Variants in PDZD2 observed in about 807,000 individuals in gnomAD.
PDZD2 encodes the protein PDZ domain containing 2, also known as PDZ domain-containing protein 2.
In PDZD2, 90 loss-of-function variants were observed where a neutral mutation model predicts 220.7. The observed-to-expected ratio is 0.41, with a 90% confidence interval of 0.34 to 0.49. The LOEUF is 0.49. Among genes scored for constraint, PDZD2 ranks in the 20% least tolerant of loss-of-function variants. The pLI is 0.28. For missense variants in PDZD2, 3,174 were observed against 3,608.5 expected, an observed-to-expected ratio of 0.88 and a Z score of 3.08; for synonymous variants, 1,375 against 1,450.5, an observed-to-expected ratio of 0.95 and a Z score of 1.18.
At chr5:31,750,954 A>T (rs6879013) in intron 1 of PDZD2, among the ~76,000 whole-genome samples, 87,994 of 151,692 alleles carry the variant, frequency 0.58, 25,743 homozygotes, top group Admixed American at 0.65. Flanking sequence ...TGAGTAAGAG[A>T]AGCATGGGCC....
chr5:31,880,219 G>T (rs532178918), intron 2 of PDZD2, among the ~76,000 whole-genome samples: 40 of 151,962 alleles, frequency 2.6e-4, no homozygotes, highest in Non-Finnish European at 5.7e-4. Context: ...CACTGCACCC[G>T]GCCAATACCT....
At position 31,780,297 on chromosome 5, in the gene PDZD2, CGCCTTAAGGAT is replaced by C. The variant is rs796360388; in HGVS notation, c.-360-18588_-360-18578del. ...TCTATCCATGGGCTGTGGGATTCTG[CGCCTTAAGGAT>C]GCCGGGGGGGCTTCAGCCTCTGCCT... On this transcript the variant is annotated intron_variant, in intron 1 of 24. Coordinates refer to ENST00000438447, the MANE Select transcript of PDZD2 (RefSeq NM_178140.4). Among the ~76,000 whole-genome samples, 640 of 122,352 alleles carry C rather than the reference CGCCTTAAGGAT, an allele frequency of 5.2e-3. 5 individuals carry two copies. Among genetic ancestry groups the C allele is most frequent in the African/African-American group, 0.019 (629 of 33,198 alleles). 80.3% of individuals were successfully genotyped at this position (122,352 alleles called of 152,430 possible).
chr5:31,965,456 G>A (rs970688407), intron 2 of PDZD2, among the ~76,000 whole-genome samples: 3 of 152,224 alleles, frequency 2.0e-5, no homozygotes, highest in African/African-American at 7.2e-5. Context: ...TGCCAGGCAC[G>A]TGTGGGGCAA....
At chr5:31,979,671 C>G (rs919159607) in intron 2 of PDZD2, among the ~76,000 whole-genome samples, 5 of 152,090 alleles carry the variant, frequency 3.3e-5, no homozygotes, top group African/African-American at 1.2e-4. Context: ...CCTCTTATCC[C>G]CAGAATTCTT....
intron 2 of PDZD2, among the ~76,000 whole-genome samples, chr5:31,881,608 C>A (rs970849253): frequency 1.3e-5 from 2 of 151,768 alleles, no homozygotes; most frequent in Non-Finnish European, 2.9e-5. Context: ...AAACTCCTGA[C>A]CTCAGGCGAT....
intron 2 of PDZD2, among the ~76,000 whole-genome samples, chr5:31,897,292 C>G (rs1223412028): frequency 4.6e-5 from 7 of 152,128 alleles, no homozygotes; most frequent in Non-Finnish European, 1.0e-4. Flanking sequence ...CCTCGAGTAT[C>G]TCTTACCACA....
intron 6 of PDZD2, among the ~76,000 whole-genome samples, chr5:32,036,645 G>A (rs910773608): frequency 1.3e-5 from 2 of 152,200 alleles, no homozygotes; most frequent in African/African-American, 4.8e-5. Context: ...GCCTGGGGCT[G>A]AGCTTGATTC....
intron 1 of PDZD2, chr5:31,657,164 TA>T (rs1169945561): frequency 1.3e-5 from 2 of 152,234 alleles, no homozygotes; most frequent in African/African-American, 4.8e-5. Flanking sequence ...CCAAAGGGGA[TA>T]AGGTTACTAG....
At chr5:31,989,427 T>TTTTTTTTTTTTTTTTTTTTTTTTTTTTTA (rs1751026161) in intron 3 of PDZD2, among the ~76,000 whole-genome samples, 3 of 144,704 alleles carry the variant, frequency 2.1e-5, no homozygotes, top group African/African-American at 8.1e-5. Flanking sequence ...TTTTCTTTTT[T>TTTTTTTTTTTTTTTTTTTTTTTTTTTTTA]TTTTTTTTTT....
At chr5:32,028,357 G>GC (rs368620176) in intron 6 of PDZD2, among the ~76,000 whole-genome samples, 1 of 152,030 alleles carries the variant, frequency 6.6e-6, no homozygotes, top group African/African-American at 2.4e-5. Flanking sequence ...ATGATGGTTT[G>GC]CCCCCCACCC....
intron 2 of PDZD2, among the ~76,000 whole-genome samples, chr5:31,910,390 T>C (rs919236512): frequency 7.1e-6 from 1 of 140,048 alleles, no homozygotes; most frequent in Non-Finnish European, 1.5e-5. Context: ...CTGGCTAATT[T>C]TTATTTTTTC....
chr5:31,867,333 C>T (rs1192362081), intron 2 of PDZD2, among the ~76,000 whole-genome samples: 1 of 152,194 alleles, frequency 6.6e-6, no homozygotes, highest in Non-Finnish European at 1.5e-5. Flanking sequence ...TGGAGCATCT[C>T]TCCACCTTTA....
At chr5:31,915,831 G>A (rs1743629638) in intron 2 of PDZD2, among the ~76,000 whole-genome samples, 1 of 152,120 alleles carries the variant, frequency 6.6e-6, no homozygotes, top group African/African-American at 2.4e-5. Context: ...TTCTGTCCAT[G>A]GGGAAAAACT....
intron 1 of PDZD2, among the ~76,000 whole-genome samples, chr5:31,747,210 T>C (rs1750655279): frequency 6.6e-6 from 1 of 152,168 alleles, no homozygotes; most frequent in South Asian, 2.1e-4. Flanking sequence ...TTACAGGTCA[T>C]GAGAGCCTTT....
chr5:31,662,810 T>C (rs2150112877), intron 1 of PDZD2, among the ~76,000 whole-genome samples: 1 of 152,278 alleles, frequency 6.6e-6, no homozygotes, highest in East Asian at 1.9e-4. Flanking sequence ...TTTTGCATTT[T>C]TAGTAGAGAC....
intron 13 of PDZD2, among the ~76,000 whole-genome samples, chr5:32,060,311 A>C (rs965396651): frequency 2.6e-5 from 4 of 152,220 alleles, no homozygotes; most frequent in African/African-American, 9.6e-5. Flanking sequence ...GGAGCCTGCC[A>C]AATGAACATT....
chr5:32,035,907 G>C (rs138054620), intron 6 of PDZD2, among the ~76,000 whole-genome samples: 1,677 of 152,264 alleles, frequency 0.011, 8 homozygotes, highest in Middle Eastern at 0.017. Context: ...GAGAAGCCAG[G>C]AATCTTTTCA....
At chr5:31,665,528 G>T (rs989448091) in intron 1 of PDZD2, among the ~76,000 whole-genome samples, 1 of 152,128 alleles carries the variant, frequency 6.6e-6, no homozygotes, top group Non-Finnish European at 1.5e-5. Context: ...TGTGTCCAGG[G>T]AGGTACCTGG....
At chr5:31,830,290 C>G (rs1455837477) in intron 2 of PDZD2, among the ~76,000 whole-genome samples, 8 of 150,488 alleles carry the variant, frequency 5.3e-5, no homozygotes. Context: ...CTCAGCCTCC[C>G]GAGTAGCTGG....
Sources: allele counts gnomAD v4.1 joint callset (sites outside exome capture counted in the v4.1 genomes callset), GRCh38; gene constraint gnomAD v4.1.1; transcripts MANE v1.5; gene names NCBI Gene and HGNC (gene_info 2026-07-23, HGNC 2026-07-21).